The following TENM1 variants were observed in gnomAD, a reference collection of about 807,000 sequenced individuals.
The protein encoded by TENM1 is teneurin transmembrane protein 1, also known as teneurin-1.
Under a neutral mutation model 174.8 loss-of-function variants are expected in TENM1, and 35 were observed. The observed-to-expected ratio is 0.20, with a 90% CI of 0.15 to 0.27. The LOEUF is 0.27. Among genes scored for constraint, TENM1 ranks in the 10% least tolerant of loss-of-function variants. TENM1 has a pLI of 1.00. For synonymous variants in TENM1, 781 were observed against 798.7 expected, an observed-to-expected ratio of 0.98 and a Z score of 0.37; for missense variants, 1,633 against 2,130.1, an observed-to-expected ratio of 0.77 and a Z score of 4.59.
Position 124,487,191 on chromosome X carries a change from C to T in TENM1, c.3716+18G>A. ...GGCAAGAGGGGGCATTAGGTAGCTG[C>T]TGATGTGATTTGCTTACCTATGTCT... On this transcript the variant is annotated intron_variant, in intron 21 of 31. Coordinates refer to ENST00000422452, the Ensembl canonical transcript of TENM1. The T allele has an allele frequency of 8.6e-7, 1 of 1,163,628 alleles. No homozygotes were observed. Among genetic ancestry groups the T allele is most frequent in the Non-Finnish European group, 1.1e-6 (1 of 869,721 alleles).
chrX:124,630,729 G>A (rs963994373), intron 11 of TENM1, among the ~76,000 whole-genome samples: 1 of 110,160 alleles, frequency 9.1e-6, no homozygotes, highest in Non-Finnish European at 1.9e-5. Flanking sequence ...TGCAAGATTA[G>A]GGATATATAT....
At chrX:124,538,382 C>T (rs368167249) in intron 15 of TENM1, among the ~76,000 whole-genome samples, 1 of 111,372 alleles carries the variant, frequency 9.0e-6, no homozygotes, top group Admixed American at 9.5e-5. Flanking sequence ...CAAGTAACCA[C>T]GGCCAATCCA....
At chrX:125,060,047 C>T in the TENM1 span, among the ~76,000 whole-genome samples, 1 of 109,324 alleles carries the variant, frequency 9.1e-6, no homozygotes, top group Non-Finnish European at 1.9e-5. Context: ...CATGCTGCAA[C>T]ATCAACTCTT....
chrX:124,490,382 A>G (rs1216430085), intron 20 of TENM1, among the ~76,000 whole-genome samples: 1 of 111,503 alleles, frequency 9.0e-6, no homozygotes, highest in Non-Finnish European at 1.9e-5. Flanking sequence ...CATTTCTGAG[A>G]TATTTGTAGA....
intron 1 of TENM1, among the ~76,000 whole-genome samples, chrX:124,901,330 G>C (rs1182897621): frequency 1.8e-5 from 2 of 110,267 alleles, no homozygotes; most frequent in African/African-American, 3.3e-5. Flanking sequence ...ATGCTATGAA[G>C]CACTGAAAAA....
At chrX:124,943,950 C>T (rs1251198422) in intron 1 of TENM1, among the ~76,000 whole-genome samples, 2 of 111,444 alleles carry the variant, frequency 1.8e-5, no homozygotes, top group African/African-American at 3.3e-5. Context: ...TAGGAAAAAC[C>T]TGCTGCTGAT....
At chrX:124,456,177 G>C (rs1488518446) in intron 22 of TENM1, among the ~76,000 whole-genome samples, 1 of 112,029 alleles carries the variant, frequency 8.9e-6, no homozygotes, top group Non-Finnish European at 1.9e-5. Flanking sequence ...GGCTTGTTCT[G>C]CTGACAGTTT....
intron 11 of TENM1, among the ~76,000 whole-genome samples, chrX:124,586,055 A>T (rs1174108272): frequency 1.8e-5 from 2 of 110,117 alleles, no homozygotes; most frequent in Admixed American, 9.7e-5. Context: ...ATAGCTTACC[A>T]ACCAAAAAGA....
At chrX:124,674,538 T>C (rs1461790688) in intron 5 of TENM1, among the ~76,000 whole-genome samples, 1 of 111,029 alleles carries the variant, frequency 9.0e-6, no homozygotes, top group Non-Finnish European at 1.9e-5. Context: ...CTTAAAACTT[T>C]TAAGCATTTA....
chrX:124,750,692 A>T (rs186116232), intron 3 of TENM1, among the ~76,000 whole-genome samples: 1 of 112,030 alleles, frequency 8.9e-6, no homozygotes, highest in Admixed American at 9.5e-5. Context: ...CATTTTAGAG[A>T]TGGAGAATAT....
At chrX:124,571,957 A>ATT (rs1171471978) in intron 11 of TENM1, among the ~76,000 whole-genome samples, 4 of 102,951 alleles carry the variant, frequency 3.9e-5, no homozygotes, top group African/African-American at 1.4e-4. Context: ...GGAGAAAATG[A>ATT]TTTTTTTTTT....
intron 4 of TENM1, among the ~76,000 whole-genome samples, chrX:124,720,454 C>T (rs1418705471): frequency 9.0e-6 from 1 of 111,350 alleles, no homozygotes; most frequent in African/African-American, 3.3e-5. Context: ...AGTTGTCCCA[C>T]CCCTCCGGAT....
chrX:124,608,729 T>C (rs1848363075), intron 11 of TENM1, among the ~76,000 whole-genome samples: 1 of 110,410 alleles, frequency 9.1e-6, no homozygotes, highest in African/African-American at 3.3e-5. Flanking sequence ...CAGCAAGAAC[T>C]GAGCTCAGAT....
intron 3 of TENM1, among the ~76,000 whole-genome samples, chrX:124,837,908 T>C (rs185931175): frequency 0.036 from 4,062 of 112,334 alleles, 99 homozygotes; most frequent in African/African-American, 0.079. Flanking sequence ...TTTCATTTTA[T>C]GAACATGTAT....
chrX:124,569,176 C>T (rs182998751), intron 11 of TENM1, among the ~76,000 whole-genome samples: 123 of 108,176 alleles, frequency 1.1e-3, no homozygotes, highest in Non-Finnish European at 2.0e-3. Flanking sequence ...CTAGCCTGGG[C>T]AACAGAGTGA....
At chrX:124,982,142 T>C in the TENM1 span, among the ~76,000 whole-genome samples, 1 of 71,029 alleles carries the variant, frequency 1.4e-5, no homozygotes, top group Non-Finnish European at 2.4e-5. Context: ...ACAATGGAAG[T>C]ATTGCCCGAA....
intron 19 of TENM1, among the ~76,000 whole-genome samples, chrX:124,498,347 G>A (rs903561237): frequency 3.9e-4 from 43 of 110,012 alleles, no homozygotes; most frequent in African/African-American, 1.3e-3. Flanking sequence ...CCAGATCTTC[G>A]TCCCCACTCC....
chrX:124,795,451 T>G (rs780196623), intron 3 of TENM1, among the ~76,000 whole-genome samples: 80 of 112,217 alleles, frequency 7.1e-4, no homozygotes, highest in African/African-American at 2.2e-3. Context: ...AATAGTTACC[T>G]CAATACAATG....
At chrX:124,825,164 T>C (rs1226256580) in intron 3 of TENM1, among the ~76,000 whole-genome samples, 2 of 92,713 alleles carry the variant, frequency 2.2e-5, no homozygotes, top group Non-Finnish European at 4.3e-5. Context: ...CTTTCTTTTT[T>C]TTTTTTTTTT....
Sources: allele counts gnomAD v4.1 joint callset (sites outside exome capture counted in the v4.1 genomes callset), GRCh38; gene constraint gnomAD v4.1.1; transcripts MANE v1.5; gene names NCBI Gene and HGNC (gene_info 2026-07-23, HGNC 2026-07-21).